The following NDUFV2 variants were observed in gnomAD, a reference collection of about 807,000 sequenced individuals.
The protein encoded by NDUFV2 is NADH dehydrogenase [ubiquinone] flavoprotein 2, mitochondrial.
Under a neutral mutation model 31.6 loss-of-function variants are expected in NDUFV2, and 18 were observed. The ratio of observed to expected loss-of-function variants is 0.57; its 90% CI spans 0.39 to 0.84. The LOEUF (loss-of-function observed/expected upper bound fraction) is 0.84, where lower values mean the gene tolerates loss of function less well. Ranked by LOEUF, NDUFV2 falls within the 40% of genes least tolerant of loss-of-function variation. The probability of loss-of-function intolerance (pLI) is 0.00; values close to 1 mark genes in which losing one functional copy is unlikely to be tolerated. For missense variants in NDUFV2, 314 were observed against 303.6 expected (o/e 1.03, Z -0.26); for synonymous variants, 83 against 99.8 (o/e 0.83, Z 1.01).
At chr18:9,109,788 A>G (rs1174201059) in intron 1 of NDUFV2, among the ~76,000 whole-genome samples, 3 of 152,220 alleles carry the variant, frequency 2.0e-5, no homozygotes, top group Non-Finnish European at 4.4e-5. Flanking sequence ...AATCGACGAA[A>G]AAAAGTATGT....
chr18:9,116,824 C>T (rs9675513), intron 1 of NDUFV2, among the ~76,000 whole-genome samples: 9,547 of 152,088 alleles, frequency 0.063, 328 homozygotes, highest in Non-Finnish European at 0.079. Context: ...TTAACCCAGC[C>T]AGTGTTCTGC....
rs757095576 is a variant in NDUFV2, at chr18:9,134,269, C to G, written c.740C>G (p.Ala247Gly). ...AAGGGACCTGGATTTGGTGTACAAGCAGGCCTTTAATTTATATTGAACTGT... is the reference window on the plus strand; with the variant it reads ...AAGGGACCTGGATTTGGTGTACAAGGAGGCCTTTAATTTATATTGAACTGT... ...PPKGPGFGVQ[A>G]GL The change falls in exon 8 of 8, where the codon GCA becomes GGA. Residue 247 changes from alanine (A) to glycine (G), a missense_variant. Transcript: ENST00000318388. 1 of 1,610,430 alleles carries G rather than the reference C, an allele frequency of 6.2e-7. No homozygotes were observed. Among genetic ancestry groups the G allele is most frequent in the Non-Finnish European group, 8.5e-7 (1 of 1,177,968 alleles).
intron 1 of NDUFV2, chr18:9,104,861 T>G (rs933160984): frequency 1.5e-5 from 21 of 1,410,574 alleles, no homozygotes; most frequent in Non-Finnish European, 2.0e-5. Context: ...GCAAGTAGAG[T>G]AAGCTCAAAA....
intron 5 of NDUFV2, among the ~76,000 whole-genome samples, chr18:9,123,092 T>G (rs1439228363): frequency 6.6e-6 from 1 of 152,238 alleles, no homozygotes. Flanking sequence ...TAAGAATGCT[T>G]TGGGAAGGGA....
chr18:9,108,673 T>A (rs1457254120), intron 1 of NDUFV2, among the ~76,000 whole-genome samples: 1 of 147,350 alleles, frequency 6.8e-6, no homozygotes, highest in East Asian at 2.0e-4. Flanking sequence ...ACTGAAAAAC[T>A]TTTGTTTTTC....
chr18:9,126,031 A>T (rs2077987710), intron 6 of NDUFV2, among the ~76,000 whole-genome samples: 1 of 152,130 alleles, frequency 6.6e-6, no homozygotes, highest in Non-Finnish European at 1.5e-5. Context: ...AGTTTGCTTG[A>T]TGTTCCACTT....
At chr18:9,128,914 C>T (rs997649496) in intron 7 of NDUFV2, among the ~76,000 whole-genome samples, 1 of 152,098 alleles carries the variant, frequency 6.6e-6, no homozygotes, top group Non-Finnish European at 1.5e-5. Flanking sequence ...ATAGTCATAA[C>T]TTTGGTGTTG....
intron 1 of NDUFV2, among the ~76,000 whole-genome samples, chr18:9,107,907 G>T (rs2077849665): frequency 6.6e-6 from 1 of 152,050 alleles, no homozygotes; most frequent in African/African-American, 2.4e-5. Flanking sequence ...TGGATGAGTG[G>T]AAGGTGTAAG....
At chr18:9,128,399 C>T (rs555709758) in intron 7 of NDUFV2, among the ~76,000 whole-genome samples, 1 of 152,214 alleles carries the variant, frequency 6.6e-6, no homozygotes, top group South Asian at 2.1e-4. Context: ...GCTAGCTGGC[C>T]CCTGTTGACC....
chr18:9,108,496 A>G (rs977291538), intron 1 of NDUFV2, among the ~76,000 whole-genome samples: 18 of 152,142 alleles, frequency 1.2e-4, no homozygotes, highest in African/African-American at 4.3e-4. Flanking sequence ...AAAACAAGAT[A>G]ATAATACCTA....
At chr18:9,122,260 G>GGGT (rs1245577958) in intron 4 of NDUFV2, among the ~76,000 whole-genome samples, 1 of 152,130 alleles carries the variant, frequency 6.6e-6, no homozygotes, top group African/African-American at 2.4e-5. Flanking sequence ...GTGAGAAGTA[G>GGGT]GGTAGAAGGA....
rs1205126437 is a variant in NDUFV2, at chr18:9,126,853, T to C, written c.602T>C (p.Ile201Thr). The C allele has an allele frequency of 1.2e-6, 2 of 1,613,762 alleles. No homozygotes were observed. Among genetic ancestry groups the C allele is most frequent in the Non-Finnish European group, 1.7e-6 (2 of 1,179,814 alleles). The change falls in exon 7 of 8, where the codon ATT becomes ACT. Residue 201 changes from isoleucine to threonine, a missense_variant. Transcript: ENST00000318388. Reference sequence around the variant, plus strand: ...CAGGAGGATTTGACAGCTAAGGATATTGAAGAAATTATTGATGAGCTCAAG... The same window carrying C: ...CAGGAGGATTTGACAGCTAAGGATACTGAAGAAATTATTGATGAGCTCAAG... Reference protein sequence around the residue: ...NYYEDLTAKDIEEIIDELKAG... With the variant: ...NYYEDLTAKDTEEIIDELKAG...
chr18:9,109,202 A>G (rs1264361687), intron 1 of NDUFV2, among the ~76,000 whole-genome samples: 1 of 151,892 alleles, frequency 6.6e-6, no homozygotes, highest in Non-Finnish European at 1.5e-5. Context: ...GTGCACTGTG[A>G]CTCTTGCACA....
Position 9,126,868 on chromosome 18 carries a change from A to T in NDUFV2, c.617A>T (p.Asp206Val). Reference protein sequence around the residue: ...LTAKDIEEIIDELKAGKIPKP... With the variant: ...LTAKDIEEIIVELKAGKIPKP... ...GCTAAGGATATTGAAGAAATTATTG[A>T]TGAGCTCAAGGCTGGCAAAATCCCA... is the stretch of plus-strand genomic sequence containing the variant. The change falls in exon 7 of 8, where the codon GAT becomes GTT. Residue 206 changes from aspartate to valine, a missense_variant. Transcript: ENST00000318388. The T allele has an allele frequency of 6.2e-7, 1 of 1,613,950 alleles. No homozygotes were observed. The highest frequency in any genetic ancestry group is 8.5e-7 in the Non-Finnish European group (1 of 1,179,944).
chr18:9,115,369 G>A (rs1395350268), intron 1 of NDUFV2, among the ~76,000 whole-genome samples: 2 of 151,296 alleles, frequency 1.3e-5, no homozygotes, highest in Admixed American at 6.6e-5. Context: ...TTATTTTTAC[G>A]ACATATTTTT....
intron 1 of NDUFV2, among the ~76,000 whole-genome samples, chr18:9,113,913 G>T (rs533185308): frequency 1.2e-4 from 18 of 152,286 alleles, no homozygotes; most frequent in African/African-American, 3.9e-4. Flanking sequence ...TTCCTTCTCA[G>T]TGTCTGAGGG....
At chr18:9,112,091 T>C (rs1388331580) in intron 1 of NDUFV2, among the ~76,000 whole-genome samples, 1 of 145,984 alleles carries the variant, frequency 6.9e-6, no homozygotes, top group Non-Finnish European at 1.5e-5. Flanking sequence ...CGATCTCAGC[T>C]CACTGCAACC....
intron 5 of NDUFV2, among the ~76,000 whole-genome samples, chr18:9,123,443 T>C (rs904194183): frequency 6.6e-6 from 1 of 152,192 alleles, no homozygotes; most frequent in South Asian, 2.1e-4. Context: ...TTAGACTTTA[T>C]TTTGGCTGTA....
intron 1 of NDUFV2, chr18:9,104,973 TG>T: frequency 6.4e-7 from 1 of 1,556,726 alleles, no homozygotes; most frequent in Admixed American, 1.8e-5. Flanking sequence ...TCTACAAAAA[TG>T]GAAAGGTATT....
Sources: allele counts gnomAD v4.1 joint callset (sites outside exome capture counted in the v4.1 genomes callset), GRCh38; gene constraint gnomAD v4.1.1; transcripts MANE v1.5; gene names NCBI Gene and HGNC (gene_info 2026-07-23, HGNC 2026-07-21).